NEO1: variants seen among roughly 807,000 people sequenced by gnomAD.
The protein encoded by NEO1 is neogenin.
In NEO1, 63 loss-of-function variants were observed where a neutral mutation model predicts 159.7. That is an observed-to-expected ratio of 0.39 (90% confidence interval 0.32 to 0.49). The LOEUF (loss-of-function observed/expected upper bound fraction) is 0.49, where lower values mean the gene tolerates loss of function less well. NEO1 is among the 20% of genes least tolerant of loss of function. The probability of loss-of-function intolerance (pLI) is 0.85; values close to 1 mark genes in which losing one functional copy is unlikely to be tolerated. For missense variants in NEO1, 1,615 were observed against 1,831.0 expected (o/e 0.88, Z 2.15); for synonymous variants, 633 against 662.0 (o/e 0.96, Z 0.67).
At position 73,156,398 on chromosome 15, in the gene NEO1, C is replaced by T. The variant is rs746435269; in HGVS notation, c.1016-20005C>T. The stretch of plus-strand genomic sequence containing the variant: ...ACCTGGTATGTGGTATATGCTGGCA[C>T]CCATGTTGGTAGTTCCAGGTAGGCT... On this transcript the variant is annotated intron_variant, in intron 5 of 28. Transcript: ENST00000261908. 5.9e-5 allele frequency among the ~76,000 whole-genome samples: 9 copies of T among 152,094 alleles called. 1 individual carries two copies. The highest frequency in any genetic ancestry group is 2.9e-5 in the Non-Finnish European group (2 of 68,030).
At chr15:73,154,695 G>A (rs1199611411) in intron 5 of NEO1, among the ~76,000 whole-genome samples, 1 of 152,152 alleles carries the variant, frequency 6.6e-6, no homozygotes, top group Non-Finnish European at 1.5e-5. Context: ...TTCTCTTGGT[G>A]TGAAATATCT....
intron 18 of NEO1, among the ~76,000 whole-genome samples, chr15:73,271,235 CT>C (rs1161322488): frequency 6.6e-6 from 1 of 152,176 alleles, no homozygotes; most frequent in African/African-American, 2.4e-5. Context: ...CTTGAGTTTG[CT>C]TTCTTTGCCA....
At chr15:73,286,986 A>G (rs976439257) in intron 23 of NEO1, among the ~76,000 whole-genome samples, 1 of 152,192 alleles carries the variant, frequency 6.6e-6, no homozygotes, top group African/African-American at 2.4e-5. Flanking sequence ...TTTTAACTCA[A>G]AAGTGTTCTC....
At chr15:73,062,596 A>G (rs1333224225) in intron 1 of NEO1, among the ~76,000 whole-genome samples, 4 of 152,204 alleles carry the variant, frequency 2.6e-5, no homozygotes, top group Non-Finnish European at 4.4e-5. Context: ...TATTTTATTC[A>G]TTGATTTGAG....
At chr15:73,196,265 C>T (rs1241771107) in intron 7 of NEO1, among the ~76,000 whole-genome samples, 1 of 152,186 alleles carries the variant, frequency 6.6e-6, no homozygotes, top group African/African-American at 2.4e-5. Flanking sequence ...TAAAACATCT[C>T]TCTTGCACGC....
At chr15:73,197,587 A>G (rs1422915034) in intron 7 of NEO1, among the ~76,000 whole-genome samples, 1 of 150,966 alleles carries the variant, frequency 6.6e-6, no homozygotes, top group African/African-American at 2.4e-5. Flanking sequence ...AAAACATGGT[A>G]TTTGTTTTAT....
chr15:73,170,821 A>G (rs1258014964), intron 5 of NEO1, among the ~76,000 whole-genome samples: 6 of 152,186 alleles, frequency 3.9e-5, no homozygotes, highest in Admixed American at 1.3e-4. Context: ...GAATATAGTA[A>G]TAAGTAATAT....
chr15:73,283,004 C>G lies in NEO1; in HGVS notation c.3303C>G (p.Asp1101Glu), dbSNP rs2151095692. 6.2e-7 allele frequency: 1 copy of G among 1,614,192 alleles called. No homozygotes were observed. Among genetic ancestry groups the G allele is most frequent in the African/African-American group, 1.3e-5 (1 of 75,052 alleles). ...ATGGGAGCCCCACCTCTCCTCTGGA[C>G]AGTAATATGCTGCTGGTCATAATTG... ...SPHGSPTSPLDSNMLLVIIVS... is the reference protein window; with the variant it reads ...SPHGSPTSPLESNMLLVIIVS... The change falls in exon 23 of 29, where the codon GAC becomes GAG. Residue 1101 changes from aspartate (D) to glutamate (E), a missense_variant. This residue lies in a region of NEO1 where 471 missense variants were observed against 498.9 expected (regional missense o/e 0.94). Transcript: ENST00000261908.
intron 12 of NEO1, among the ~76,000 whole-genome samples, chr15:73,254,474 C>T (rs1433137307): frequency 2.6e-5 from 4 of 152,002 alleles, no homozygotes; most frequent in African/African-American, 7.3e-5. Flanking sequence ...GTGTACTACT[C>T]GAATATATAA....
rs569950508 is a variant in NEO1, at chr15:73,054,013, C to T, written c.130+1208C>T. Among the ~76,000 whole-genome samples the T allele has an allele frequency of 2.2e-4, 33 of 152,302 alleles. No homozygotes were observed. In the South Asian group the frequency reaches 2.5e-3, roughly 11 times the overall value. On this transcript the variant is annotated intron_variant, in intron 1 of 28. Coordinates refer to ENST00000261908, the MANE Select transcript of NEO1 (RefSeq NM_002499.4). ...GAACAGCTTTAAACGTAAAGTACCA[C>T]TCGGTATTCTCTAAACAGCTACGTA...
At chr15:73,096,046 G>A (rs978353003) in intron 1 of NEO1, among the ~76,000 whole-genome samples, 2 of 152,170 alleles carry the variant, frequency 1.3e-5, no homozygotes, top group African/African-American at 4.8e-5. Context: ...TATGGGGACA[G>A]TGCCCCCAAA....
intron 11 of NEO1, among the ~76,000 whole-genome samples, chr15:73,249,963 T>C (rs2039991210): frequency 6.6e-6 from 1 of 152,242 alleles, no homozygotes; most frequent in African/African-American, 2.4e-5. Context: ...TGCCTCTTAC[T>C]GGATAGGCTC....
intron 8 of NEO1, 93 bp from the exon 9 acceptor site, chr15:73,244,251 C>T: frequency 7.1e-7 from 1 of 1,399,154 alleles, no homozygotes; most frequent in South Asian, 1.4e-5. Context: ...TTGACTTACA[C>T]TGATAGATTT....
chr15:73,059,855 G>C (rs537870498), intron 1 of NEO1, among the ~76,000 whole-genome samples: 3 of 152,254 alleles, frequency 2.0e-5, no homozygotes, highest in African/African-American at 7.2e-5. Flanking sequence ...TAATTGAGCT[G>C]TCTGGGGGTA....
At chr15:73,195,063 T>G (rs190834112) in intron 7 of NEO1, among the ~76,000 whole-genome samples, 1 of 152,308 alleles carries the variant, frequency 6.6e-6, no homozygotes, top group Admixed American at 6.5e-5. Context: ...GACCAGAATT[T>G]CTGAGGTCCA....
In NEO1 at chr15:73,302,969, G is replaced by C; in HGVS notation, c.*273G>C. 1 of 388,208 alleles carries C rather than the reference G, an allele frequency of 2.6e-6. No homozygotes were observed. Among genetic ancestry groups the C allele is most frequent in the Non-Finnish European group, 4.8e-6 (1 of 207,632 alleles). The allele number at this position is 388,208 out of a possible 1,614,324, so 24.0% of individuals were successfully genotyped here. On this transcript the variant is annotated 3_prime_UTR_variant, in exon 29 of 29. Transcript: ENST00000261908. The stretch of plus-strand genomic sequence containing the variant: ...CATGGGCCAAAATTTTGTGTCCAGG[G>C]AAGAGGCGAGAAGTGCAACCTGCAT...
rs201758819 is a variant in NEO1, at chr15:73,249,099, C to T, written c.1646C>T (p.Ala549Val). The T allele has an allele frequency of 3.1e-6, 5 of 1,614,112 alleles. No individual in the cohort carries two copies. Among genetic ancestry groups the T allele is most frequent in the East Asian group, 4.5e-5 (2 of 44,872 alleles). The change falls in exon 10 of 29, where the codon GCA (alanine) becomes GTA (valine). Residue 549 changes from alanine (A) to valine (V), a missense_variant. Transcript: ENST00000261908. The stretch of plus-strand genomic sequence containing the variant: ...CCAGCACCTAACCTTCGTGCATATG[C>T]AGCTTCGCCTACCTCCATCACTGTT... ...PGPAPNLRAY[A>V]ASPTSITVTW... is the part of the protein sequence containing the mutation.
At chr15:73,114,046 A>G (rs1010511475) in intron 1 of NEO1, among the ~76,000 whole-genome samples, 6 of 152,182 alleles carry the variant, frequency 3.9e-5, no homozygotes, top group Non-Finnish European at 7.4e-5. Flanking sequence ...AAAGATTAAG[A>G]ACATTTGGAG....
At chr15:73,081,781 G>T (rs1237632397) in intron 1 of NEO1, among the ~76,000 whole-genome samples, 1 of 151,658 alleles carries the variant, frequency 6.6e-6, no homozygotes, top group African/African-American at 2.4e-5. Flanking sequence ...TCACTATGTT[G>T]CCCAGGCTGG....
Sources: allele counts gnomAD v4.1 joint callset (sites outside exome capture counted in the v4.1 genomes callset), GRCh38; gene constraint gnomAD v4.1.1; regional missense constraint gnomAD v4.1.1; transcripts MANE v1.5; gene names NCBI Gene and HGNC (gene_info 2026-07-23, HGNC 2026-07-21).